The following CDIN1 variants were observed in gnomAD, a reference collection of about 807,000 sequenced individuals.
CDIN1 encodes CDAN1-interacting nuclease 1.
A neutral mutation model predicts 45.3 loss-of-function variants in CDIN1; 33 were observed. The observed-to-expected ratio is 0.73, with a 90% CI of 0.55 to 0.97. The LOEUF (loss-of-function observed/expected upper bound fraction) is 0.97. CDIN1 is among the 50% of genes least tolerant of loss of function. The pLI is 0.00. For synonymous variants in CDIN1, 118 were observed against 124.4 expected, an observed-to-expected ratio of 0.95 and a Z score of 0.34; for missense variants, 303 against 339.4, an observed-to-expected ratio of 0.89 and a Z score of 0.84.
At chr15:36,600,918 A>AT (rs1264692803) in intron 1 of CDIN1, among the ~76,000 whole-genome samples, 4 of 152,080 alleles carry the variant, frequency 2.6e-5, no homozygotes, top group African/African-American at 9.7e-5. Flanking sequence ...TTTTTATGTC[A>AT]TTTTTCCTAT....
At chr15:36,614,217 C>T (rs2038780798) in intron 1 of CDIN1, 1 of 634,616 alleles carries the variant, frequency 1.6e-6, no homozygotes, top group Non-Finnish European at 3.0e-6. Context: ...CCATTCCCAC[C>T]CTGCTGCTGC....
intron 1 of CDIN1, among the ~76,000 whole-genome samples, chr15:36,595,488 A>C (rs1025825631): frequency 2.6e-5 from 4 of 152,150 alleles, no homozygotes; most frequent in Non-Finnish European, 5.9e-5. Context: ...CTTAGTGAAC[A>C]TCAGGAAAAA....
At chr15:36,721,943 T>A (rs2043434968) in intron 10 of CDIN1, among the ~76,000 whole-genome samples, 1 of 152,122 alleles carries the variant, frequency 6.6e-6, no homozygotes, top group South Asian at 2.1e-4. Flanking sequence ...ACATCACAGC[T>A]GGGAAACTCT....
intron 8 of CDIN1, among the ~76,000 whole-genome samples, chr15:36,702,816 C>A (rs1414068341): frequency 1.3e-5 from 2 of 152,014 alleles, no homozygotes; most frequent in Non-Finnish European, 2.9e-5. Context: ...CACAAGGTCA[C>A]AAAGATGATT....
chr15:36,648,403 G>A (rs1368127683), intron 3 of CDIN1, among the ~76,000 whole-genome samples: 1 of 148,344 alleles, frequency 6.7e-6, no homozygotes, highest in Non-Finnish European at 1.5e-5. Flanking sequence ...TTCCTTTGTC[G>A]AGCATATATG....
intron 10 of CDIN1, among the ~76,000 whole-genome samples, chr15:36,780,079 T>A (rs1249480993): frequency 1.6e-5 from 2 of 125,678 alleles, no homozygotes; most frequent in Non-Finnish European, 2.9e-5. Flanking sequence ...CTCAATTTCC[T>A]GTGCACTGAA....
chr15:36,611,824 A>G (rs542252581), intron 1 of CDIN1, among the ~76,000 whole-genome samples: 1 of 152,328 alleles, frequency 6.6e-6, no homozygotes, highest in East Asian at 1.9e-4. Flanking sequence ...TCTGTTATTC[A>G]CCAATGGTGT....
intron 10 of CDIN1, among the ~76,000 whole-genome samples, chr15:36,789,062 A>G (rs1483567787): frequency 6.6e-6 from 1 of 152,244 alleles, no homozygotes; most frequent in Non-Finnish European, 1.5e-5. Flanking sequence ...AGCTTTAAAA[A>G]CAATCACAAA....
chr15:36,678,635 A>T (rs2041737270), intron 5 of CDIN1, among the ~76,000 whole-genome samples: 3 of 152,114 alleles, frequency 2.0e-5, no homozygotes, highest in Non-Finnish European at 4.4e-5. Context: ...TCCTTCCTTC[A>T]CACATCCTTT....
chr15:36,770,744 G>A (rs560739792), intron 10 of CDIN1, among the ~76,000 whole-genome samples: 44 of 152,192 alleles, frequency 2.9e-4, no homozygotes, highest in African/African-American at 9.9e-4. Flanking sequence ...CCACCACGCC[G>A]AGCCTCTTTC....
intron 10 of CDIN1, among the ~76,000 whole-genome samples, chr15:36,722,618 A>G (rs1245850159): frequency 6.6e-6 from 1 of 152,096 alleles, no homozygotes; most frequent in Non-Finnish European, 1.5e-5. Context: ...CTCTGCCTTT[A>G]AGGAGCATAT....
At chr15:36,712,767 G>A (rs1330258293) in intron 10 of CDIN1, among the ~76,000 whole-genome samples, 4 of 152,104 alleles carry the variant, frequency 2.6e-5, no homozygotes, top group East Asian at 1.9e-4. Flanking sequence ...ATAAGCAGCC[G>A]TTCCTACAAG....
chr15:36,688,964 A>G (rs2042150885), intron 5 of CDIN1, among the ~76,000 whole-genome samples: 1 of 152,204 alleles, frequency 6.6e-6, no homozygotes, highest in African/African-American at 2.4e-5. Context: ...CTGTTGCACT[A>G]AAAAGTGGTG....
At chr15:36,670,537 T>C (rs906652858) in intron 5 of CDIN1, among the ~76,000 whole-genome samples, 7 of 152,128 alleles carry the variant, frequency 4.6e-5, no homozygotes, top group Non-Finnish European at 7.4e-5. Flanking sequence ...AGTTTTGAAG[T>C]GAGGCCATCA....
intron 5 of CDIN1, among the ~76,000 whole-genome samples, chr15:36,664,736 C>T (rs574330333): frequency 1.2e-4 from 18 of 152,134 alleles, no homozygotes; most frequent in South Asian, 6.2e-4. Flanking sequence ...TTAATAGAGA[C>T]GGGGTTTCAC....
intron 1 of CDIN1, among the ~76,000 whole-genome samples, chr15:36,585,111 C>A (rs1323765388): frequency 6.6e-6 from 1 of 152,134 alleles, no homozygotes; most frequent in Non-Finnish European, 1.5e-5. Context: ...CCAAACACTA[C>A]ATATATATTT....
intron 10 of CDIN1, among the ~76,000 whole-genome samples, chr15:36,751,229 T>TTTTATATATATATATATA (rs568110101): frequency 1.7e-4 from 17 of 97,572 alleles, no homozygotes; most frequent in African/African-American, 5.6e-4. Context: ...TATGCTTATT[T>TTTTATATATATATATATA]TATATATATA....
At chr15:36,648,947 C>T (rs555021201) in intron 3 of CDIN1, among the ~76,000 whole-genome samples, 6 of 152,218 alleles carry the variant, frequency 3.9e-5, no homozygotes, top group African/African-American at 1.2e-4. Context: ...TATTTGTTTT[C>T]CAATCTGTTT....
chr15:36,801,299 C>T lies in CDIN1; in HGVS notation c.717-7025C>T, dbSNP rs1390543213. Among the ~76,000 whole-genome samples, 4 of 152,002 alleles carry T rather than the reference C, an allele frequency of 2.6e-5. No homozygotes were observed. In the East Asian group the frequency reaches 7.7e-4, roughly 29 times the overall value. On this transcript the variant is annotated intron_variant, in intron 10 of 10. Coordinates refer to ENST00000566621, the MANE Select transcript of CDIN1 (RefSeq NM_001321759.2). Reference sequence around the variant, plus strand: ...ATTATGTAATAGTACATAAATCCCACACCTTTCACCGTCTTATTACCAAAA... The same window carrying T: ...ATTATGTAATAGTACATAAATCCCATACCTTTCACCGTCTTATTACCAAAA...
Sources: allele counts gnomAD v4.1 joint callset (sites outside exome capture counted in the v4.1 genomes callset), GRCh38; gene constraint gnomAD v4.1.1; transcripts MANE v1.5; gene names NCBI Gene and HGNC (gene_info 2026-07-23, HGNC 2026-07-21).